Variants in LHX4 observed in about 807,000 individuals in gnomAD.
The protein encoded by LHX4 is LIM homeobox 4.
LHX4 carries 16 observed loss-of-function variants against 39.2 expected under a neutral mutation model. The observed-to-expected ratio is 0.41, with a 90% CI of 0.28 to 0.62. The LOEUF is 0.62. Among genes scored for constraint, LHX4 ranks in the 20% least tolerant of loss-of-function variants. LHX4 has a pLI of 0.33. For synonymous variants in LHX4, 206 were observed against 198.1 expected (o/e 1.04, Z -0.33); for missense variants, 439 against 511.9 (o/e 0.86, Z 1.37).
At chr1:180,240,860 A>G (rs1016694549) in intron 1 of LHX4, among the ~76,000 whole-genome samples, 1 of 152,196 alleles carries the variant, frequency 6.6e-6, no homozygotes. Context: ...AAATAAGCCC[A>G]ATGTGCCTCT....
Position 180,266,240 on chromosome 1 carries a change from G to T in LHX4, c.249-152G>T. The T allele has an allele frequency of 1.4e-6, 1 of 730,070 alleles. No individual in the cohort carries two copies. Among genetic ancestry groups the T allele is most frequent in the Non-Finnish European group, 2.4e-6 (1 of 415,076 alleles). 45.2% of individuals were successfully genotyped at this position (730,070 alleles called of 1,614,324 possible). ...AAAGCAATGAAGCTAGATGGAGGCAGAGAGGACCAGACGGTAAGCTCTGGG... is the reference window on the plus strand; with the variant it reads ...AAAGCAATGAAGCTAGATGGAGGCATAGAGGACCAGACGGTAAGCTCTGGG... On this transcript the variant is annotated intron_variant, in intron 2 of 5. Coordinates refer to ENST00000263726, the MANE Select transcript of LHX4 (RefSeq NM_033343.4). This position sits in a 1 kb window ranked among gnomAD's most constrained non-coding sequence, Gnocchi z 5.7.
chr1:180,249,653 T>C (rs1647521291), intron 2 of LHX4, among the ~76,000 whole-genome samples: 1 of 152,218 alleles, frequency 6.6e-6, no homozygotes, highest in African/African-American at 2.4e-5. Flanking sequence ...GAGTCCTGGA[T>C]ACAGAATACG....
upstream of LHX4, chr1:180,230,214 T>TGGAGGG: frequency 3.0e-6 from 1 of 333,348 alleles, no homozygotes; most frequent in South Asian, 3.1e-5. This position sits in a 1 kb window ranked among gnomAD's most constrained non-coding sequence, Gnocchi z 5.8. Context: ...ACGCGAAGGG[T>TGGAGGG]GGAGGGGGAG....
chr1:180,258,452 G>A (rs1396145964), intron 2 of LHX4, among the ~76,000 whole-genome samples: 1 of 152,234 alleles, frequency 6.6e-6, no homozygotes, highest in Non-Finnish European at 1.5e-5. Flanking sequence ...TGAGGTAGAA[G>A]CCACTGGAAG....
At chr1:180,269,481 C>CCATCATTG (rs1173764891) in intron 3 of LHX4, among the ~76,000 whole-genome samples, 2 of 152,126 alleles carry the variant, frequency 1.3e-5, no homozygotes, top group African/African-American at 4.8e-5. Flanking sequence ...ATATTAGTCC[C>CCATCATTG]CATCATTGCA....
At chr1:180,256,976 G>A (rs1237066184) in intron 2 of LHX4, among the ~76,000 whole-genome samples, 1 of 152,256 alleles carries the variant, frequency 6.6e-6, no homozygotes, top group African/African-American at 2.4e-5. Flanking sequence ...TGAATGAGAT[G>A]CCTCGCATGA....
chr1:180,256,061 C>T (rs888498313), intron 2 of LHX4, among the ~76,000 whole-genome samples: 6 of 152,238 alleles, frequency 3.9e-5, no homozygotes, highest in Non-Finnish European at 7.3e-5. Flanking sequence ...CCTACCCTGG[C>T]CATTCAGGTG....
rs1023657401 is a variant in LHX4, at chr1:180,278,786, T to C, written c.*4207T>C. The stretch of plus-strand genomic sequence containing the variant: ...CTCATCCTTCACAATGTAAATTTTG[T>C]ACAGTTAAAGAGAAATGAAGTCTCG... On this transcript the variant is annotated 3_prime_UTR_variant, in exon 6 of 6. Coordinates refer to ENST00000263726, the MANE Select transcript of LHX4 (RefSeq NM_033343.4). 1.3e-5 allele frequency: 2 copies of C among 150,962 alleles called. No individual in the cohort carries two copies. The highest frequency in any genetic ancestry group is 4.9e-5 in the African/African-American group (2 of 40,952). The allele number at this position is 150,962 out of a possible 1,614,324, so 9.4% of individuals were successfully genotyped here. A position where few individuals can be genotyped will look rare whatever the true frequency, so the allele number is the denominator to read the frequency against.
chr1:180,248,566 G>A, intron 2 of LHX4, 110 bp downstream of exon 2: 1 of 1,152,396 alleles, frequency 8.7e-7, no homozygotes. Flanking sequence ...AGTCCACTCT[G>A]GGAGGGGCAG....
At chr1:180,251,084 TCCGCCAGGTGGGCCTTC>T (rs1405320420) in intron 2 of LHX4, among the ~76,000 whole-genome samples, 1 of 152,154 alleles carries the variant, frequency 6.6e-6, no homozygotes, top group Non-Finnish European at 1.5e-5. Context: ...CGGTGAGTCT[TCCGCCAGGTGGGCCTTC>T]CCGCCAGGTG....
chr1:180,233,536 C>T (rs1664228833), intron 1 of LHX4, among the ~76,000 whole-genome samples: 1 of 152,246 alleles, frequency 6.6e-6, no homozygotes, highest in South Asian at 2.1e-4. Flanking sequence ...AAAACTCTCC[C>T]CGCGGACCTC....
upstream of LHX4, among the ~76,000 whole-genome samples, chr1:180,229,491 C>T (rs900611785): frequency 1.3e-5 from 2 of 152,156 alleles, no homozygotes; most frequent in African/African-American, 4.8e-5. Flanking sequence ...CGGGCCGGCG[C>T]CGCCCGCCGC....
At chr1:180,261,436 A>T (rs1022381249) in intron 2 of LHX4, among the ~76,000 whole-genome samples, 1 of 152,170 alleles carries the variant, frequency 6.6e-6, no homozygotes, top group Non-Finnish European at 1.5e-5. Flanking sequence ...GGATCACTTG[A>T]GACCAGGAAT....
intron 1 of LHX4, among the ~76,000 whole-genome samples, chr1:180,245,706 G>A (rs916842521): frequency 1.3e-5 from 2 of 152,190 alleles, no homozygotes; most frequent in East Asian, 1.9e-4. Flanking sequence ...GTGTCAATCC[G>A]TTTGCTCCTC....
chr1:180,240,985 C>A (rs528808813), intron 1 of LHX4, among the ~76,000 whole-genome samples: 1 of 152,262 alleles, frequency 6.6e-6, no homozygotes, highest in East Asian at 1.9e-4. Flanking sequence ...CATTTCTTAT[C>A]AAGTAAGAAA....
At position 180,234,711 on chromosome 1, in the gene LHX4, CCGGGAAGTCGTAAAGT is replaced by C. The variant is rs1408976104; in HGVS notation, c.76+4112_76+4127del. On this transcript the variant is annotated intron_variant, in intron 1 of 5. Transcript: ENST00000263726. The surrounding 1 kb of genome is among the most constrained non-coding windows in gnomAD (Gnocchi z 4.8). ...TCTGCATTGAGCAGTCCGCAGTGTC[CCGGGAAGTCGTAAAGT>C]CGGGACTGAGAAGAAGCAGGACCTA... Among the ~76,000 whole-genome samples the C allele has an allele frequency of 1.3e-5, 2 of 152,242 alleles. No homozygotes were observed. The highest frequency in any genetic ancestry group is 2.9e-5 in the Non-Finnish European group (2 of 68,040).
chr1:180,267,321 G>A (rs1035040993), intron 3 of LHX4, among the ~76,000 whole-genome samples: 3 of 152,264 alleles, frequency 2.0e-5, no homozygotes, highest in Non-Finnish European at 2.9e-5. Flanking sequence ...GGTGGAGGCC[G>A]AAGTCAGGTC....
chr1:180,230,692 G>C lies in LHX4; in HGVS notation c.76+87G>C. The stretch of plus-strand genomic sequence containing the variant: ...TGCGGGGCGGGCCGGACGCCGCTCA[G>C]GGGCCGGGAGGGGCTGGCGGCCGGG... On this transcript the variant is annotated intron_variant, in intron 1 of 5. Coordinates refer to ENST00000263726, the MANE Select transcript of LHX4 (RefSeq NM_033343.4). The surrounding 1 kb of genome is among the most constrained non-coding windows in gnomAD (Gnocchi z 5.8). 4 of 1,264,690 alleles carry C rather than the reference G, an allele frequency of 3.2e-6. No individual in the cohort carries two copies. The highest frequency in any genetic ancestry group is 1.8e-4 in the Middle Eastern group (1 of 5,410). The allele number at this position is 1,264,690 out of a possible 1,614,324, so 78.3% of individuals were successfully genotyped here.
intron 1 of LHX4, among the ~76,000 whole-genome samples, chr1:180,245,642 A>G (rs1246541833): frequency 6.6e-6 from 1 of 152,212 alleles, no homozygotes; most frequent in African/African-American, 2.4e-5. Context: ...TAATAATAGC[A>G]AGCCTGTCTT....
Sources: gnomAD v4.1 joint callset for allele counts (sites outside exome capture counted in the v4.1 genomes callset) on GRCh38, gnomAD v4.1.1 for gene constraint, Gnocchi (gnomAD v3.1) non-coding constraint, MANE v1.5 for transcripts, NCBI Gene and HGNC (gene_info 2026-07-23, HGNC 2026-07-21) for gene names.